FRMD4A: variants seen among roughly 807,000 people sequenced by gnomAD.
The protein encoded by FRMD4A is FERM domain containing 4A, also known as FERM domain-containing protein 4A.
FRMD4A carries 29 observed loss-of-function variants against 129.1 expected under a neutral mutation model. The ratio of observed to expected loss-of-function variants is 0.22; its 90% CI spans 0.17 to 0.31. FRMD4A has a LOEUF of 0.31. Among genes scored for constraint, FRMD4A ranks in the 10% least tolerant of loss-of-function variants. The pLI, the probability that FRMD4A is intolerant of heterozygous loss-of-function variation, is 1.00. For missense variants in FRMD4A, 1,272 were observed against 1,375.8 expected, an observed-to-expected ratio of 0.92 and a Z score of 1.19; for synonymous variants, 634 against 571.6, an observed-to-expected ratio of 1.11 and a Z score of -1.56.
rs914397729 is a variant in FRMD4A, at chr10:14,155,733, T to C, written c.45+174325A>G. 6.6e-5 allele frequency among the ~76,000 whole-genome samples: 10 copies of C among 152,280 alleles called. No individual in the cohort carries two copies. In the South Asian group the frequency reaches 2.1e-3, roughly 32 times the overall value. On this transcript the variant is annotated intron_variant, in intron 2 of 24. Coordinates refer to ENST00000357447, the MANE Select transcript of FRMD4A (RefSeq NM_018027.5). ...AAATTTAAAAAATGAAAGTAAATGT[T>C]AGGAAAGAGTGAGAGTGGTTGGAGG...
At chr10:13,731,059 T>C (rs1234395677) in intron 12 of FRMD4A, among the ~76,000 whole-genome samples, 1 of 151,542 alleles carries the variant, frequency 6.6e-6, no homozygotes, top group Admixed American at 6.6e-5. Flanking sequence ...TTTTCTATTG[T>C]GACTTTTCTA....
At chr10:14,202,565 T>G (rs550155237) in intron 2 of FRMD4A, among the ~76,000 whole-genome samples, 2 of 152,128 alleles carry the variant, frequency 1.3e-5, no homozygotes, top group East Asian at 3.9e-4. Context: ...CACCCCCGGC[T>G]AATTTTTGTA....
intron 2 of FRMD4A, among the ~76,000 whole-genome samples, chr10:14,131,254 C>A (rs11816873): frequency 8.7e-4 from 132 of 152,292 alleles, no homozygotes; most frequent in African/African-American, 3.0e-3. Flanking sequence ...CAAGGATGGG[C>A]AAAACCACCA....
intron 2 of FRMD4A, among the ~76,000 whole-genome samples, chr10:14,035,456 AAAC>A (rs1023310303): frequency 6.6e-6 from 1 of 152,034 alleles, no homozygotes; most frequent in Non-Finnish European, 1.5e-5. Flanking sequence ...GAAAAAAATG[AAAC>A]AAGCCAAATA....
At chr10:14,329,961 A>C in intron 2 of FRMD4A, 97 bp downstream of exon 2, 3 of 1,132,434 alleles carry the variant, frequency 2.6e-6, no homozygotes, top group Non-Finnish European at 3.9e-6. Flanking sequence ...GCAATGTTGA[A>C]CATGTCTGCA....
intron 2 of FRMD4A, among the ~76,000 whole-genome samples, chr10:13,999,217 C>T (rs976898938): frequency 6.6e-6 from 1 of 152,110 alleles, no homozygotes; most frequent in Non-Finnish European, 1.5e-5. Flanking sequence ...GCTCCGTCTC[C>T]CCCTGCTCCT....
rs1012501742 is a variant in FRMD4A, at chr10:14,016,695, C to T, written c.46-157783G>A. 2.6e-5 allele frequency among the ~76,000 whole-genome samples: 4 copies of T among 152,306 alleles called. No individual in the cohort carries two copies. In the East Asian group the frequency reaches 7.7e-4, roughly 29 times the overall value. On this transcript the variant is annotated intron_variant, in intron 2 of 24. Coordinates refer to ENST00000357447, the MANE Select transcript of FRMD4A (RefSeq NM_018027.5). The stretch of plus-strand genomic sequence containing the variant: ...CTATCCCCATCAAATGAAAATCACA[C>T]ATGACAAAGGAAGCTAGACCTTATC...
Position 13,656,666 on chromosome 10 carries a change from TG to T in FRMD4A, c.2922del (p.Arg975GlyfsTer38). ...GTGGCCTTGCACATCTGGGGCATCC[TG>T]GTGACCCTGCTGTGCGCCACGAAGG... Reference protein sequence around the residue: ...QSTFVAHSRVTRMPQMCKATS... With the variant: ...QSTFVAHSRVXRMPQMCKATS... On this transcript the variant is annotated frameshift_variant, in exon 22 of 25. Coordinates refer to ENST00000357447, the MANE Select transcript of FRMD4A (RefSeq NM_018027.5). LOFTEE classifies it high-confidence loss of function. The T allele has an allele frequency of 6.6e-7, 1 of 1,511,282 alleles. No homozygotes were observed. Among genetic ancestry groups the T allele is most frequent in the African/African-American group, 1.4e-5 (1 of 70,186 alleles). 93.6% of individuals were successfully genotyped at this position (1,511,282 alleles called of 1,614,324 possible).
intron 2 of FRMD4A, among the ~76,000 whole-genome samples, chr10:13,950,275 G>A (rs997538341): frequency 2.0e-5 from 3 of 152,260 alleles, no homozygotes; most frequent in Non-Finnish European, 4.4e-5. Flanking sequence ...TTTGACTGAT[G>A]TTTCAGTGTG....
intron 2 of FRMD4A, among the ~76,000 whole-genome samples, chr10:14,041,595 G>T (rs1402631270): frequency 6.6e-6 from 1 of 152,186 alleles, no homozygotes; most frequent in African/African-American, 2.4e-5. Context: ...CCCAAAAGGC[G>T]TGACCAGGGA....
chr10:13,717,299 TAA>T (rs1764945564), intron 12 of FRMD4A, among the ~76,000 whole-genome samples: 1 of 152,142 alleles, frequency 6.6e-6, no homozygotes, highest in African/African-American at 2.4e-5. Flanking sequence ...CAGATTGGTG[TAA>T]AGTTATTTTT....
chr10:13,964,132 GA>G (rs57593743), intron 2 of FRMD4A, among the ~76,000 whole-genome samples: 27,950 of 124,352 alleles, frequency 0.22, 4,144 homozygotes, highest in African/African-American at 0.46. Context: ...ACAGGCATTA[GA>G]AAAAAAAAAA....
chr10:13,867,738 CATATAATATAATAT>C, intron 2 of FRMD4A, among the ~76,000 whole-genome samples: 1 of 11,940 alleles, frequency 8.4e-5, no homozygotes, highest in Middle Eastern at 0.017. Context: ...TAATAAATAA[CATATAATATAATAT>C]ATAATATATA....
chr10:13,757,609 G>T (rs932643365), intron 8 of FRMD4A, among the ~76,000 whole-genome samples: 2 of 152,226 alleles, frequency 1.3e-5, no homozygotes, highest in Non-Finnish European at 2.9e-5. Flanking sequence ...AAGCCTTCAG[G>T]CATCTGCTGA....
At chr10:13,790,379 G>A (rs922173966) in intron 5 of FRMD4A, among the ~76,000 whole-genome samples, 4 of 152,310 alleles carry the variant, frequency 2.6e-5, no homozygotes, top group East Asian at 3.9e-4. Flanking sequence ...GGCAGAGGAC[G>A]GAGAGTCTCC....
chr10:13,799,680 C>G (rs2130838010), intron 4 of FRMD4A, among the ~76,000 whole-genome samples: 1 of 152,246 alleles, frequency 6.6e-6, no homozygotes, highest in African/African-American at 2.4e-5. Context: ...CTCATGCTGC[C>G]TCTCCTCCTT....
At chr10:13,867,973 T>C (rs974663142) in intron 2 of FRMD4A, among the ~76,000 whole-genome samples, 2 of 146,948 alleles carry the variant, frequency 1.4e-5, no homozygotes, top group African/African-American at 5.0e-5. Context: ...AATTCACCTA[T>C]CTGGGCATGG....
At chr10:13,659,746 T>G (rs2082481174) in intron 20 of FRMD4A, among the ~76,000 whole-genome samples, 1 of 151,916 alleles carries the variant, frequency 6.6e-6, no homozygotes, top group Non-Finnish European at 1.5e-5. Context: ...GGTCCTGCCC[T>G]TACAGTTTTT....
intron 18 of FRMD4A, among the ~76,000 whole-genome samples, chr10:13,665,418 G>C (rs1225736719): frequency 3.3e-5 from 5 of 152,088 alleles, no homozygotes; most frequent in Non-Finnish European, 7.4e-5. Context: ...TGTGTGTTTA[G>C]GAGGAAAGAA....
Sources: allele counts gnomAD v4.1 joint callset (sites outside exome capture counted in the v4.1 genomes callset), GRCh38; gene constraint gnomAD v4.1.1; transcripts MANE v1.5; gene names NCBI Gene and HGNC (gene_info 2026-07-23, HGNC 2026-07-21).